Variants in RBPJL observed in about 807,000 individuals in gnomAD.
RBPJL encodes recombining binding protein suppressor of hairless-like protein.
Under a neutral mutation model 57.6 loss-of-function variants are expected in RBPJL, and 50 were observed. The observed-to-expected ratio is 0.87, with a 90% CI of 0.69 to 1.10. The LOEUF (loss-of-function observed/expected upper bound fraction) is 1.10, where lower values mean the gene tolerates loss of function less well. Ranked by LOEUF, RBPJL falls within the 50% of genes least tolerant of loss-of-function variation. The pLI is 0.00. For synonymous variants in RBPJL, 303 were observed against 294.4 expected (o/e 1.03, Z -0.30); for missense variants, 684 against 693.7 (o/e 0.99, Z 0.16).
intron 11 of RBPJL, 30 bp downstream of exon 11, chr20:45,316,610 G>GC: frequency 6.6e-7 from 1 of 1,517,006 alleles, no homozygotes; most frequent in Non-Finnish European, 8.8e-7. Context: ...CCTCTCTTGG[G>GC]CCCCGGGGAG....
In RBPJL at chr20:45,312,286, G is replaced by A. The variant is rs745478714; in HGVS notation, c.510G>A (p.Val170=). The stretch of plus-strand genomic sequence containing the variant: ...ACAAGAGGAAGCACTTTCGGCTGGT[G>A]CTGCGGCTGGTGCTGCGCGGGGGCC... The part of the protein sequence containing the change: ...DADKRKHFRL[V]LRLVLRGGRE... Residue 170 remains valine, a synonymous_variant, in exon 6 of 12, where the codon GTG becomes GTA. Transcript: ENST00000343694. The A allele has an allele frequency of 5.0e-6, 8 of 1,614,126 alleles. No individual in the cohort carries two copies. The highest frequency in any genetic ancestry group is 6.8e-6 in the Non-Finnish European group (8 of 1,179,960).
intron 9 of RBPJL, among the ~76,000 whole-genome samples, chr20:45,315,152 G>C (rs540559421): frequency 7.4e-4 from 112 of 152,286 alleles, no homozygotes; most frequent in African/African-American, 2.6e-3. Flanking sequence ...ATAGGTAATA[G>C]AGAGCAGAGA....
intron 1 of RBPJL, among the ~76,000 whole-genome samples, chr20:45,307,223 T>G (rs1986790954): frequency 6.6e-6 from 1 of 152,108 alleles, no homozygotes. Context: ...TGTTGCTGTT[T>G]CTTGGCAGAG....
intron 3 of RBPJL, 57 bp from the exon 4 acceptor site, chr20:45,311,532 T>C: frequency 6.4e-7 from 1 of 1,555,548 alleles, no homozygotes; most frequent in Middle Eastern, 1.7e-4. Flanking sequence ...TTGCCGTGCT[T>C]ACAGGAGAGC....
Position 45,317,096 on chromosome 20 carries a change from G to C in RBPJL, c.*137G>C, listed in dbSNP as rs1395775902. 9.4e-7 allele frequency: 1 copy of C among 1,068,488 alleles called. No homozygotes were observed. Among genetic ancestry groups the C allele is most frequent in the Admixed American group, 2.5e-5 (1 of 39,480 alleles). 66.2% of individuals were successfully genotyped at this position (1,068,488 alleles called of 1,614,324 possible). ...CAGCTGAAGGCTCACCCTAGAAACC[G>C]GGCCTGGTGGGTCTTACCCGGCTCA... On this transcript the variant is annotated 3_prime_UTR_variant, in exon 12 of 12. Coordinates refer to ENST00000343694, the MANE Select transcript of RBPJL (RefSeq NM_014276.4).
At chr20:45,312,102 C>G in intron 5 of RBPJL, 119 bp from the exon 6 acceptor site, 2 of 1,519,158 alleles carry the variant, frequency 1.3e-6, no homozygotes, top group Admixed American at 1.7e-5. Flanking sequence ...GCCTGAGAGC[C>G]TGGATGGTGG....
At chr20:45,310,669 G>A (rs1262385637) in intron 3 of RBPJL, among the ~76,000 whole-genome samples, 1 of 152,074 alleles carries the variant, frequency 6.6e-6, no homozygotes, top group Non-Finnish European at 1.5e-5. Context: ...GCCTGTTTGA[G>A]GTACAAAAGA....
At chr20:45,307,345 A>G (rs733380) in intron 1 of RBPJL, among the ~76,000 whole-genome samples, 42,886 of 152,040 alleles carry the variant, frequency 0.28, 6,921 homozygotes, top group East Asian at 0.74. Flanking sequence ...CGACCTTCTC[A>G]TCCCGGATTC....
chr20:45,313,523 G>A lies in RBPJL; in HGVS notation c.675G>A (p.Thr225=), dbSNP rs141335503. The part of the protein sequence containing the change: ...VSLFNRLRSQ[T]VSTRYLSVED... ...TCTTCAACCGCCTGCGCTCTCAGAC[G>A]GTCTCCACACGCTACCTCTCTGTGG... The change falls in exon 7 of 12, where the codon ACG becomes ACA. Residue 225 remains threonine, a synonymous_variant. Transcript: ENST00000343694. 419 of 1,613,960 alleles carry A rather than the reference G, an allele frequency of 2.6e-4. 3 individuals carry two copies. The African/African-American group carries it at 4.3e-3, about 16-fold the overall frequency.
Position 45,313,356 on chromosome 20 carries a change from C to A in RBPJL, c.620-112C>A, listed in dbSNP as rs940760027. 7 of 793,482 alleles carry A rather than the reference C, an allele frequency of 8.8e-6. No individual in the cohort carries two copies. In the African/African-American group the frequency reaches 1.2e-4, roughly 14 times the overall value. The allele number at this position is 793,482 out of a possible 1,614,324, so 49.2% of individuals were successfully genotyped here. A position where few individuals can be genotyped will look rare whatever the true frequency, so the allele number is the denominator to read the frequency against. ...ACCCTCACCCTAATCCTAACCCTCA[C>A]CCTCACCCTAACCCTCACCCTAACC... On this transcript the variant is annotated intron_variant, in intron 6 of 11. Transcript: ENST00000343694.
At chr20:45,312,527 G>A (rs545851248) in intron 6 of RBPJL, 132 bp downstream of exon 6, 1 of 875,872 alleles carries the variant, frequency 1.1e-6, no homozygotes, top group Non-Finnish European at 1.7e-6. Flanking sequence ...AGTCGGAGCC[G>A]AGAGGGGAAG....
At chr20:45,311,012 C>T (rs1271276501) in intron 3 of RBPJL, among the ~76,000 whole-genome samples, 1 of 150,708 alleles carries the variant, frequency 6.6e-6, no homozygotes. Context: ...ACTCAGGAGG[C>T]CGAGGTGGGA....
Position 45,316,879 on chromosome 20 carries a change from G to A in RBPJL, c.1474G>A (p.Ala492Thr). The change falls in exon 12 of 12, where the codon GCC (alanine) becomes ACC (threonine). Residue 492 changes from alanine to threonine, a missense_variant. By Grantham distance (58) the Ala-to-Thr change is moderately conservative. Transcript: ENST00000343694. Reference sequence around the variant, plus strand: ...GGGTCACCCCGGCGTCCCCGAGCCCGCCACCGACGCCGACGCGCTCCTGGA... The same window carrying A: ...GGGTCACCCCGGCGTCCCCGAGCCCACCACCGACGCCGACGCGCTCCTGGA... ...RPGHPGVPEP[A>T]TDADALLESI... 2 of 1,613,560 alleles carry A rather than the reference G, an allele frequency of 1.2e-6. No individual in the cohort carries two copies. Among genetic ancestry groups the A allele is most frequent in the Non-Finnish European group, 8.5e-7 (1 of 1,179,610 alleles).
At chr20:45,316,016 CTAAG>C in intron 9 of RBPJL, 167 bp from the exon 10 acceptor site, 1 of 488,102 alleles carries the variant, frequency 2.0e-6, no homozygotes, top group Non-Finnish European at 3.6e-6. Context: ...TTTCTTAACG[CTAAG>C]TGAGAGAACT....
intron 1 of RBPJL, among the ~76,000 whole-genome samples, chr20:45,307,472 A>G (rs1986826865): frequency 6.6e-6 from 1 of 152,068 alleles, no homozygotes; most frequent in Non-Finnish European, 1.5e-5. Context: ...AGGGCGGGGA[A>G]CCCTTGTCAA....
intron 2 of RBPJL, among the ~76,000 whole-genome samples, chr20:45,308,808 C>T (rs1009783839): frequency 9.9e-5 from 15 of 151,986 alleles, no homozygotes; most frequent in Admixed American, 3.3e-4. Flanking sequence ...TGCAATTGCT[C>T]GGGCCTACCC....
At chr20:45,313,113 A>G (rs927151260) in intron 6 of RBPJL, among the ~76,000 whole-genome samples, 1 of 152,178 alleles carries the variant, frequency 6.6e-6, no homozygotes, top group Non-Finnish European at 1.5e-5. Context: ...AGGTCCTGGA[A>G]AAACAGCTGT....
chr20:45,309,853 C>T (rs567300807), intron 3 of RBPJL, among the ~76,000 whole-genome samples, 161 bp downstream of exon 3: 1 of 152,340 alleles, frequency 6.6e-6, no homozygotes, highest in African/African-American at 2.4e-5. Flanking sequence ...CATTAGCCCC[C>T]ACTTTGGTCT....
rs1301745393 is a variant in RBPJL at position 45,317,279 on chromosome 20, T to C, written c.*320T>C. On this transcript the variant is annotated 3_prime_UTR_variant, in exon 12 of 12. Coordinates refer to ENST00000343694, the MANE Select transcript of RBPJL (RefSeq NM_014276.4). ...CCTCAGTACTTAGTCTACAGACCTATGTGCGTGTCCCTATCCTTCTGTCCT... is the reference window on the plus strand; with the variant it reads ...CCTCAGTACTTAGTCTACAGACCTACGTGCGTGTCCCTATCCTTCTGTCCT... 3 of 410,180 alleles carry C rather than the reference T, an allele frequency of 7.3e-6. No homozygotes were observed. Among genetic ancestry groups the C allele is most frequent in the Non-Finnish European group, 1.3e-5 (3 of 230,036 alleles). The allele number at this position is 410,180 out of a possible 1,614,324, so 25.4% of individuals were successfully genotyped here.
Sources: allele counts gnomAD v4.1 joint callset (sites outside exome capture counted in the v4.1 genomes callset), GRCh38; gene constraint gnomAD v4.1.1; transcripts MANE v1.5; gene names NCBI Gene and HGNC (gene_info 2026-07-23, HGNC 2026-07-21).